The following KLF12 variants were observed in gnomAD, a reference collection of about 807,000 sequenced individuals.
The protein encoded by KLF12 is Krueppel-like factor 12.
KLF12 carries 9 observed loss-of-function variants against 37.8 expected under a neutral mutation model. The observed-to-expected ratio is 0.24, with a 90% confidence interval of 0.14 to 0.42. KLF12 has a LOEUF of 0.42. Ranked by LOEUF, KLF12 falls within the 10% of genes least tolerant of loss-of-function variation. KLF12 has a pLI of 1.00. For missense variants in KLF12, 411 were observed against 516.0 expected, an observed-to-expected ratio of 0.80 and a Z score of 1.97; for synonymous variants, 208 against 202.1, an observed-to-expected ratio of 1.03 and a Z score of -0.25.
the KLF12 span, among the ~76,000 whole-genome samples, chr13:74,287,320 C>G: frequency 1.5e-5 from 2 of 136,924 alleles, no homozygotes; most frequent in Non-Finnish European, 3.1e-5. Flanking sequence ...TGTCCAGGCC[C>G]CAAGAAACAA....
At chr13:73,803,792 A>G (rs930949593) in intron 5 of KLF12, among the ~76,000 whole-genome samples, 1 of 150,708 alleles carries the variant, frequency 6.6e-6, no homozygotes, top group African/African-American at 2.4e-5. Flanking sequence ...ACACACACAC[A>G]CACACACACA....
At position 74,094,151 on chromosome 13, in the gene KLF12, T is replaced by A. The variant is rs1463994024; in HGVS notation, c.-32+39588A>T. 1.2e-4 allele frequency among the ~76,000 whole-genome samples: 19 copies of A among 152,114 alleles called. 1 individual carries two copies. Among genetic ancestry groups the A allele is most frequent in the Admixed American group, 1.2e-3 (19 of 15,274 alleles). ...TATAGACTAAGCTCATAAATATCTG[T>A]CATATACATGCACAAATATATACAG... On this transcript the variant is annotated intron_variant, in intron 1 of 7. Coordinates refer to ENST00000377669, the MANE Select transcript of KLF12 (RefSeq NM_007249.5).
chr13:73,793,462 G>A (rs1026347728), intron 5 of KLF12, among the ~76,000 whole-genome samples: 3 of 152,126 alleles, frequency 2.0e-5, no homozygotes, highest in African/African-American at 7.2e-5. Flanking sequence ...GCACATTGAG[G>A]CTAATTTTCT....
intron 1 of KLF12, among the ~76,000 whole-genome samples, chr13:74,037,823 C>G (rs569752081): frequency 1.3e-5 from 2 of 152,248 alleles, no homozygotes; most frequent in East Asian, 3.9e-4. Context: ...CAGATAAAAT[C>G]ACTGCTGCTG....
the KLF12 span, among the ~76,000 whole-genome samples, chr13:74,268,562 G>A: frequency 6.6e-6 from 1 of 152,114 alleles, no homozygotes; most frequent in Non-Finnish European, 1.5e-5. Flanking sequence ...ATAATTCAGA[G>A]GCTCATTGGA....
intron 5 of KLF12, among the ~76,000 whole-genome samples, chr13:73,791,103 C>T (rs1327692320): frequency 6.6e-6 from 1 of 152,164 alleles, no homozygotes; most frequent in Middle Eastern, 3.2e-3. Flanking sequence ...TCCTAAACAG[C>T]TCTCTTCACT....
At chr13:74,252,589 A>T in the KLF12 span, among the ~76,000 whole-genome samples, 1 of 152,320 alleles carries the variant, frequency 6.6e-6, no homozygotes, top group East Asian at 1.9e-4. Flanking sequence ...AAGCTGCCAT[A>T]ATTCTAAGAG....
intron 3 of KLF12, among the ~76,000 whole-genome samples, chr13:73,888,676 G>C (rs1200482888): frequency 6.6e-6 from 1 of 152,146 alleles, no homozygotes; most frequent in Non-Finnish European, 1.5e-5. Flanking sequence ...TGTCACAAAA[G>C]AAACAACAAT....
At chr13:73,972,034 C>G (rs913774789) in intron 2 of KLF12, among the ~76,000 whole-genome samples, 1 of 152,144 alleles carries the variant, frequency 6.6e-6, no homozygotes, top group Non-Finnish European at 1.5e-5. Context: ...TAAATCAAAC[C>G]AAATGATATG....
chr13:73,836,000 C>T (rs1004874342), intron 4 of KLF12, among the ~76,000 whole-genome samples: 17 of 151,640 alleles, frequency 1.1e-4, no homozygotes, highest in African/African-American at 4.9e-5. Flanking sequence ...TTGTAAATTG[C>T]CCATAAAACA....
In KLF12 at chr13:73,792,683, G is replaced by A. The variant is rs758112982; in HGVS notation, c.806+20469C>T. ...GTGTATACAAATGTAAAAATTCACT[G>A]AGCTGTACACTTAAGATCTGTAAAC... On this transcript the variant is annotated intron_variant, in intron 5 of 7. Transcript: ENST00000377669. Among the ~76,000 whole-genome samples the A allele has an allele frequency of 9.9e-5, 15 of 152,272 alleles. No individual in the cohort carries two copies. In the South Asian group the frequency reaches 2.9e-3, roughly 29 times the overall value.
intron 2 of KLF12, among the ~76,000 whole-genome samples, chr13:73,945,983 C>CACT (rs1485449934): frequency 1.3e-5 from 2 of 152,100 alleles, no homozygotes; most frequent in Non-Finnish European, 2.9e-5. Context: ...CCTAATGTGT[C>CACT]ACTGGCTTCC....
At chr13:74,182,407 C>T in the KLF12 span, among the ~76,000 whole-genome samples, 6 of 152,144 alleles carry the variant, frequency 3.9e-5, no homozygotes, top group Non-Finnish European at 8.8e-5. Flanking sequence ...CTGATTGCAG[C>T]ATTGGAAGAC....
In KLF12 at chr13:73,786,903, C is replaced by T. The variant is rs887035188; in HGVS notation, c.807-21903G>A. On this transcript the variant is annotated intron_variant, in intron 5 of 7. Coordinates refer to ENST00000377669, the MANE Select transcript of KLF12 (RefSeq NM_007249.5). ...TCACACCGCTGCACTCTAGCTTGGG[C>T]GACGGAGTGAGGCCCTGTCTCAAAA... 7.9e-5 allele frequency among the ~76,000 whole-genome samples: 12 copies of T among 152,046 alleles called. No individual in the cohort carries two copies. The Middle Eastern group carries it at 0.01, about 129-fold the overall frequency.
At chr13:74,222,497 A>T in the KLF12 span, among the ~76,000 whole-genome samples, 1 of 152,122 alleles carries the variant, frequency 6.6e-6, no homozygotes, top group Non-Finnish European at 1.5e-5. Flanking sequence ...TCCTTTAATT[A>T]CTAAAAGTTT....
At chr13:74,008,333 G>A (rs1424917516) in intron 1 of KLF12, among the ~76,000 whole-genome samples, 1 of 152,080 alleles carries the variant, frequency 6.6e-6, no homozygotes, top group Non-Finnish European at 1.5e-5. Flanking sequence ...GAGGGTACAT[G>A]AGCCACTCTT....
chr13:73,959,487 T>A (rs140813117), intron 2 of KLF12, among the ~76,000 whole-genome samples: 77 of 149,700 alleles, frequency 5.1e-4, no homozygotes, highest in African/African-American at 1.8e-3. Flanking sequence ...TTAGAAAATA[T>A]GTCTGCATTT....
At chr13:73,722,095 T>G (rs1305450658) in intron 6 of KLF12, among the ~76,000 whole-genome samples, 1 of 152,216 alleles carries the variant, frequency 6.6e-6, no homozygotes, top group Non-Finnish European at 1.5e-5. Context: ...GTACTGTTTC[T>G]AAGGTTTCAT....
chr13:73,716,914 A>G (rs1447010758), intron 6 of KLF12, among the ~76,000 whole-genome samples: 1 of 152,238 alleles, frequency 6.6e-6, no homozygotes, highest in East Asian at 1.9e-4. Context: ...TTGATGGCTT[A>G]TTACAGTTTT....
Sources: allele counts gnomAD v4.1 joint callset (sites outside exome capture counted in the v4.1 genomes callset), GRCh38; gene constraint gnomAD v4.1.1; transcripts MANE v1.5; gene names NCBI Gene and HGNC (gene_info 2026-07-23, HGNC 2026-07-21).